Variants in CLEC1B observed in about 807,000 individuals in gnomAD.
CLEC1B encodes the protein C-type lectin domain family 1 member B.
Under a neutral mutation model 26.7 loss-of-function variants are expected in CLEC1B, and 26 were observed. The observed-to-expected ratio is 0.97, with a 90% CI of 0.71 to 1.35. CLEC1B has a LOEUF of 1.35. Ranked by LOEUF, CLEC1B falls within the 40% of genes most tolerant of loss-of-function variation. The pLI is 0.00. For missense variants in CLEC1B, 293 were observed against 282.6 expected, an observed-to-expected ratio of 1.04 and a Z score of -0.26; for synonymous variants, 112 against 96.0, an observed-to-expected ratio of 1.17 and a Z score of -0.97.
chr12:9,993,591 T>G (rs542751020), intron 5 of CLEC1B, among the ~76,000 whole-genome samples: 6 of 152,212 alleles, frequency 3.9e-5, no homozygotes, highest in Non-Finnish European at 8.8e-5. Flanking sequence ...AAACGCATTA[T>G]CTACAAGATC....
chr12:9,999,536 G>A (rs866883055), upstream of CLEC1B, among the ~76,000 whole-genome samples: 7 of 152,210 alleles, frequency 4.6e-5, no homozygotes, highest in African/African-American at 1.4e-4. Flanking sequence ...CAGATATATA[G>A]TTTATCTCAT....
Position 9,993,283 on chromosome 12 carries a change from C to A in CLEC1B, c.550G>T (p.Glu184Ter). ...TTTCCTTTTCCATCTTCCAAAAACTCAAACCTGTGAAGGGAAAGTTAGAAT... is the reference window on the plus strand; with the variant it reads ...TTTCCTTTTCCATCTTCCAAAAACTAAAACCTGTGAAGGGAAAGTTAGAAT... Reference protein sequence around the residue: ...DGSVISENMFEFLEDGKGNMN... With the variant: ...DGSVISENMF The change falls in exon 6 of 6, where the codon GAG becomes TAG. Residue 184 changes from glutamate (E) to a stop codon, truncating the protein, a stop_gained. Coordinates refer to ENST00000298527, the MANE Select transcript of CLEC1B (RefSeq NM_016509.4). LOFTEE classifies it low-confidence loss of function (END_TRUNC). The A allele has an allele frequency of 6.2e-7, 1 of 1,603,852 alleles. No homozygotes were observed. The highest frequency in any genetic ancestry group is 1.1e-5 in the South Asian group (1 of 90,960).
chr12:9,993,085 C>T lies in CLEC1B; in HGVS notation c.*58G>A, dbSNP rs1864928295. On this transcript the variant is annotated 3_prime_UTR_variant, in exon 6 of 6. Transcript: ENST00000298527. ...ATTTTCAGCTACTGATGCATTCATA[C>T]ATATCTTTTATTGTACAATAAAGCC... 6.6e-7 allele frequency: 1 copy of T among 1,509,698 alleles called. No homozygotes were observed. The highest frequency in any genetic ancestry group is 1.4e-5 in the African/African-American group (1 of 72,094). The allele number at this position is 1,509,698 out of a possible 1,614,324, so 93.5% of individuals were successfully genotyped here. A position where few individuals can be genotyped will look rare whatever the true frequency, so the allele number is the denominator to read the frequency against.
rs370395150 is a variant in CLEC1B at position 9,998,242 on chromosome 12, A to G, written c.163+40T>C. ...GGATATGCCATGACCCTTCAGTATT[A>G]CCTTCCTCCAGTCAAATTTCTGGCA... is the stretch of plus-strand genomic sequence containing the variant. On this transcript the variant is annotated intron_variant, in intron 2 of 5. Transcript: ENST00000298527. 1.1e-5 allele frequency: 16 copies of G among 1,493,612 alleles called. No homozygotes were observed. The African/African-American group carries it at 1.4e-4, about 13-fold the overall frequency. 92.5% of individuals were successfully genotyped at this position (1,493,612 alleles called of 1,614,324 possible).
upstream of CLEC1B, among the ~76,000 whole-genome samples, chr12:9,999,910 T>C (rs1865135430): frequency 6.6e-6 from 1 of 152,226 alleles, no homozygotes; most frequent in South Asian, 2.1e-4. Context: ...GAATGGTTCC[T>C]AGCACCTTTT....
rs1367884698 is a variant in CLEC1B at position 9,993,133 on chromosome 12, C to T, written c.*10G>A. 1 of 1,606,048 alleles carries T rather than the reference C, an allele frequency of 6.2e-7. No individual in the cohort carries two copies. Among genetic ancestry groups the T allele is most frequent in the Admixed American group, 1.7e-5 (1 of 59,906 alleles). ...GCCCTTATCTGTGTTATCCTGTCCA[C>T]CTCTTTGCATTAAGGTAGTTGGTCC... On this transcript the variant is annotated 3_prime_UTR_variant, in exon 6 of 6. Transcript: ENST00000298527.
intron 4 of CLEC1B, 67 bp from the exon 5 acceptor site, chr12:9,995,313 C>T (rs1865014623): frequency 2.2e-6 from 3 of 1,348,774 alleles, no homozygotes; most frequent in Non-Finnish European, 3.2e-6. Context: ...ATAGACAAAG[C>T]TTCATGATAA....
At chr12:9,998,069 A>T (rs1746123) in intron 2 of CLEC1B, among the ~76,000 whole-genome samples, 82,821 of 151,972 alleles carry the variant, frequency 0.54, 22,923 homozygotes, top group South Asian at 0.72. Flanking sequence ...CTTAAAAATA[A>T]CTTTTCATTA....
At chr12:9,995,733 T>C (rs903987362) in intron 4 of CLEC1B, 11 of 205,574 alleles carry the variant, frequency 5.4e-5, no homozygotes, top group Admixed American at 4.8e-4. Context: ...GCATTTATGA[T>C]GTCTTTCTCA....
rs1030239816 is a variant in CLEC1B at position 9,995,093 on chromosome 12, T to A, written c.545+47A>T. 5.2e-5 allele frequency: 84 copies of A among 1,604,688 alleles called. No homozygotes were observed. In the African/African-American group the frequency reaches 1.0e-3, roughly 19 times the overall value. Reference sequence around the variant, plus strand: ...CTGAGAGAAGAGGGAATCTCAAGAATAAGAGTTTCCAGTACTCCCTCCTAT... The same window carrying A: ...CTGAGAGAAGAGGGAATCTCAAGAAAAAGAGTTTCCAGTACTCCCTCCTAT... On this transcript the variant is annotated intron_variant, in intron 5 of 5. Transcript: ENST00000298527.
rs1865015981 is a variant in CLEC1B at position 9,995,352 on chromosome 12, T to C, written c.439-106A>G. Reference sequence around the variant, plus strand: ...GTTGGACAAAAAATGTTGGATTACATGTCTATATTAGTATTAATGGATTAC... The same window carrying C: ...GTTGGACAAAAAATGTTGGATTACACGTCTATATTAGTATTAATGGATTAC... On this transcript the variant is annotated intron_variant, in intron 4 of 5. Coordinates refer to ENST00000298527, the MANE Select transcript of CLEC1B (RefSeq NM_016509.4). The C allele has an allele frequency of 5.7e-6, 5 of 879,702 alleles. No individual in the cohort carries two copies. In the East Asian group the frequency reaches 1.2e-4, roughly 22 times the overall value. 54.5% of individuals were successfully genotyped at this position (879,702 alleles called of 1,614,324 possible).
upstream of CLEC1B, chr12:9,999,377 T>TG (rs1865127986): frequency 3.5e-6 from 1 of 282,082 alleles, no homozygotes; most frequent in South Asian, 1.4e-4. Context: ...TGCTTTTTTT[T>TG]TATCTTCAAC....
At chr12:9,995,274 G>T (rs776131308) in intron 4 of CLEC1B, 28 bp from the exon 5 acceptor site, 13 of 1,562,726 alleles carry the variant, frequency 8.3e-6, no homozygotes, top group Non-Finnish European at 1.1e-5. Context: ...AAACACAATG[G>T]TCAGAATCCC....
At position 9,996,845 on chromosome 12, in the gene CLEC1B, C is replaced by T. The variant is rs757348984; in HGVS notation, c.438+1G>A. ...AATATTTGACATAAGAATCTTCTTA[C>T]CACAATGTTCCGGTTGTCAATCTTC... On this transcript the variant is annotated splice_donor_variant, in intron 4 of 5. Transcript: ENST00000298527. LOFTEE classifies it high-confidence loss of function. 6.2e-6 allele frequency: 10 copies of T among 1,613,956 alleles called. No individual in the cohort carries two copies. In the East Asian group the frequency reaches 2.2e-4, roughly 36 times the overall value.
At chr12:9,998,899 C>G in intron 1 of CLEC1B, 138 bp downstream of exon 1, 1 of 555,462 alleles carries the variant, frequency 1.8e-6, no homozygotes, top group Non-Finnish European at 3.1e-6. Context: ...GAAAACACTA[C>G]TCAAATGCTT....
intron 1 of CLEC1B, 121 bp from the exon 2 acceptor site, chr12:9,998,501 G>A (rs1865105628): frequency 7.9e-6 from 5 of 632,706 alleles, no homozygotes; most frequent in Admixed American, 7.1e-5. Context: ...GAGCTTTGCT[G>A]GCAGATCTCA....
At chr12:9,996,180 T>G (rs1358001405) in intron 4 of CLEC1B, among the ~76,000 whole-genome samples, 1 of 152,192 alleles carries the variant, frequency 6.6e-6, no homozygotes, top group Non-Finnish European at 1.5e-5. Flanking sequence ...TTCTTAAAGC[T>G]TGAGCCACCG....
chr12:9,998,644 TTTTTG>T (rs71049030), intron 1 of CLEC1B, among the ~76,000 whole-genome samples: 191 of 145,734 alleles, frequency 1.3e-3, no homozygotes, highest in South Asian at 3.7e-3. Context: ...GTGTTTGTAT[TTTTTG>T]TTTTGTTTTG....
upstream of CLEC1B, chr12:9,999,434 A>T: frequency 5.2e-6 from 1 of 191,210 alleles, no homozygotes; most frequent in Non-Finnish European, 1.1e-5. Flanking sequence ...CTAAGAACAA[A>T]AGTTCATGCT....
Sources: gnomAD v4.1 joint callset for allele counts (sites outside exome capture counted in the v4.1 genomes callset) on GRCh38, gnomAD v4.1.1 for gene constraint, MANE v1.5 for transcripts, NCBI Gene and HGNC (gene_info 2026-07-23, HGNC 2026-07-21) for gene names.